ITGB8: variants seen among roughly 807,000 people sequenced by gnomAD.
ITGB8 encodes integrin subunit beta 8.
Under a neutral mutation model 89.5 loss-of-function variants are expected in ITGB8, and 30 were observed. The observed-to-expected ratio is 0.34, with a 90% confidence interval of 0.25 to 0.45. The LOEUF (loss-of-function observed/expected upper bound fraction) is 0.45, where lower values mean the gene tolerates loss of function less well. Ranked by LOEUF, ITGB8 falls within the 20% of genes least tolerant of loss-of-function variation. The probability of loss-of-function intolerance (pLI) is 1.00; values close to 1 mark genes in which losing one functional copy is unlikely to be tolerated. For missense variants in ITGB8, 836 were observed against 933.3 expected (o/e 0.90, Z 1.36); for synonymous variants, 335 against 320.4 (o/e 1.05, Z -0.49).
In ITGB8 at chr7:20,331,985, C is replaced by T. The variant is rs1284642274; in HGVS notation, c.127+52C>T. Reference sequence around the variant, plus strand: ...TCTTCTCTTCCCCAAAGGTCTTGGGCTGGCACGAAGAGCTGCCCGGCCAGA... The same window carrying T: ...TCTTCTCTTCCCCAAAGGTCTTGGGTTGGCACGAAGAGCTGCCCGGCCAGA... On this transcript the variant is annotated intron_variant, in intron 1 of 13. Coordinates refer to ENST00000222573, the MANE Select transcript of ITGB8 (RefSeq NM_002214.3). The T allele has an allele frequency of 4.4e-6, 7 of 1,589,848 alleles. No homozygotes were observed. In the African/African-American group the frequency reaches 5.4e-5, roughly 12 times the overall value.
intron 12 of ITGB8, among the ~76,000 whole-genome samples, chr7:20,406,935 A>G (rs1007869314): frequency 6.6e-6 from 1 of 152,168 alleles, no homozygotes; most frequent in African/African-American, 2.4e-5. Flanking sequence ...TTGAAGTTAC[A>G]TATTTTGTAA....
rs1212750849 is a variant in ITGB8, at chr7:20,412,058, C to A, written c.*2061C>A. 1 of 152,556 alleles carries A rather than the reference C, an allele frequency of 6.6e-6. No individual in the cohort carries two copies. Among genetic ancestry groups the A allele is most frequent in the Non-Finnish European group, 1.5e-5 (1 of 68,026 alleles). The allele number at this position is 152,556 out of a possible 1,614,324, so 9.5% of individuals were successfully genotyped here. ...ATAAACTTCCAAGATTTGCTGTCTT[C>A]CAGCACTTGAGTTAAAGTACTAGAT... On this transcript the variant is annotated 3_prime_UTR_variant, in exon 14 of 14. Coordinates refer to ENST00000222573, the MANE Select transcript of ITGB8 (RefSeq NM_002214.3).
At chr7:20,357,339 T>A (rs1785332142) in intron 1 of ITGB8, among the ~76,000 whole-genome samples, 1 of 152,184 alleles carries the variant, frequency 6.6e-6, no homozygotes, top group African/African-American at 2.4e-5. Flanking sequence ...CATTTTTATA[T>A]ATTAGCTGTA....
intron 10 of ITGB8, among the ~76,000 whole-genome samples, chr7:20,402,741 A>G (rs1024730697): frequency 2.0e-5 from 3 of 152,238 alleles, no homozygotes; most frequent in Admixed American, 2.0e-4. Context: ...CCTTGAGGCC[A>G]CACACAGACC....
chr7:20,332,340 G>A (rs1784432679), intron 1 of ITGB8, among the ~76,000 whole-genome samples: 1 of 152,148 alleles, frequency 6.6e-6, no homozygotes, highest in Non-Finnish European at 1.5e-5. Context: ...TTTAACTCGA[G>A]GCTGTAGATA....
chr7:20,338,209 T>C (rs947200959), intron 1 of ITGB8, among the ~76,000 whole-genome samples: 1 of 152,228 alleles, frequency 6.6e-6, no homozygotes, highest in Non-Finnish European at 1.5e-5. Context: ...ATAGAACTTA[T>C]TTTACCTATG....
Position 20,401,795 on chromosome 7 carries a change from T to C in ITGB8, c.1356T>C (p.Pro452=). The C allele has an allele frequency of 6.2e-7, 1 of 1,611,630 alleles. No individual in the cohort carries two copies. The highest frequency in any genetic ancestry group is 8.5e-7 in the Non-Finnish European group (1 of 1,179,332). The part of the protein sequence containing the change: ...TGGKNYAIIK[P]IGFNETAKIH... ...GAAAAAACTATGCAATAATCAAACCTATTGGTTTTAATGAAACCGCTAAAA... is the reference window on the plus strand; with the variant it reads ...GAAAAAACTATGCAATAATCAAACCCATTGGTTTTAATGAAACCGCTAAAA... The change falls in exon 10 of 14, where the codon CCT becomes CCC. Residue 452 remains proline (P), a synonymous_variant. Coordinates refer to ENST00000222573, the MANE Select transcript of ITGB8 (RefSeq NM_002214.3).
At chr7:20,345,094 A>C (rs755714986) in intron 1 of ITGB8, among the ~76,000 whole-genome samples, 4 of 152,216 alleles carry the variant, frequency 2.6e-5, no homozygotes, top group Non-Finnish European at 4.4e-5. Context: ...GTATGATCTT[A>C]AGTAGGATAA....
chr7:20,370,963 C>T (rs1393725232), intron 3 of ITGB8, among the ~76,000 whole-genome samples: 3 of 152,122 alleles, frequency 2.0e-5, no homozygotes, highest in Non-Finnish European at 4.4e-5. Flanking sequence ...TTAATTATTA[C>T]AAGGTTAGTA....
chr7:20,398,981 C>A lies in ITGB8; in HGVS notation c.1268C>A (p.Thr423Lys). 6.2e-7 allele frequency: 1 copy of A among 1,613,216 alleles called. No homozygotes were observed. The highest frequency in any genetic ancestry group is 1.3e-5 in the African/African-American group (1 of 74,980). The change falls in exon 9 of 14, where the codon ACG becomes AAG. Residue 423 changes from threonine to lysine, a missense_variant. Physicochemically the swap from Thr to Lys is moderately conservative, Grantham distance 78 (BLOSUM62 -1). Coordinates refer to ENST00000222573, the MANE Select transcript of ITGB8 (RefSeq NM_002214.3). ...GGCATGGAAGGATGCAGAAACGTGA[C>A]GAGCAATGATGAAGTATGTGGGTGT... ...KPGMEGCRNV[T>K]SNDEVLFNVT... is the part of the protein sequence containing the mutation.
chr7:20,333,400 C>T (rs10256769), intron 1 of ITGB8, among the ~76,000 whole-genome samples: 37,806 of 152,042 alleles, frequency 0.25, 5,893 homozygotes, highest in Non-Finnish European at 0.35. Context: ...AAATTTTCCG[C>T]TAAGCATAAT....
intron 6 of ITGB8, among the ~76,000 whole-genome samples, chr7:20,387,454 C>A (rs957828535): frequency 6.6e-6 from 1 of 152,148 alleles, no homozygotes; most frequent in Non-Finnish European, 1.5e-5. Flanking sequence ...AAACTGAATC[C>A]CAGCAAGGTT....
At chr7:20,397,032 A>G (rs1156304990) in intron 8 of ITGB8, among the ~76,000 whole-genome samples, 3 of 152,162 alleles carry the variant, frequency 2.0e-5, no homozygotes, top group African/African-American at 7.2e-5. Flanking sequence ...TCACAGTCCA[A>G]CAGAATCAAT....
chr7:20,370,051 A>G (rs1785864534), intron 3 of ITGB8, among the ~76,000 whole-genome samples: 1 of 151,962 alleles, frequency 6.6e-6, no homozygotes, highest in Non-Finnish European at 1.5e-5. Flanking sequence ...AAAAAAACAT[A>G]AGAAAAACAG....
At chr7:20,409,195 C>T (rs1787667964) in intron 12 of ITGB8, among the ~76,000 whole-genome samples, 1 of 152,144 alleles carries the variant, frequency 6.6e-6, no homozygotes, top group Non-Finnish European at 1.5e-5. Context: ...ATCCTAAGGC[C>T]CAGAACTGCT....
chr7:20,354,604 G>A (rs150857535), intron 1 of ITGB8, among the ~76,000 whole-genome samples: 44 of 152,264 alleles, frequency 2.9e-4, no homozygotes, highest in African/African-American at 1.0e-3. Context: ...CCTTTTCTCC[G>A]GTTGTGTTTA....
chr7:20,409,333 A>G (rs181101861), intron 12 of ITGB8, among the ~76,000 whole-genome samples: 6 of 152,368 alleles, frequency 3.9e-5, no homozygotes, highest in Admixed American at 3.3e-4. Context: ...AGTTAATACA[A>G]TTAAAGAATC....
intron 3 of ITGB8, among the ~76,000 whole-genome samples, chr7:20,369,243 A>G (rs1311967189): frequency 6.6e-6 from 1 of 152,222 alleles, no homozygotes; most frequent in Non-Finnish European, 1.5e-5. Flanking sequence ...ATAGAAAAAT[A>G]ATAAACAGTC....
intron 1 of ITGB8, among the ~76,000 whole-genome samples, chr7:20,344,270 TTG>T (rs1431267855): frequency 6.8e-6 from 1 of 147,280 alleles, no homozygotes; most frequent in Non-Finnish European, 1.5e-5. Flanking sequence ...TTTCTAAAGA[TTG>T]ATACTTAGTT....
Sources: allele counts gnomAD v4.1 joint callset (sites outside exome capture counted in the v4.1 genomes callset), GRCh38; gene constraint gnomAD v4.1.1; transcripts MANE v1.5; gene names NCBI Gene and HGNC (gene_info 2026-07-23, HGNC 2026-07-21).